Variants in LY86 observed in about 807,000 individuals in gnomAD.
LY86 encodes the protein MD-1, RP105-associated.
A neutral mutation model predicts 17.3 loss-of-function variants in LY86; 20 were observed. The ratio of observed to expected loss-of-function variants is 1.15; its 90% CI spans 0.81 to 1.68. The LOEUF (loss-of-function observed/expected upper bound fraction) is 1.68, where lower values mean the gene tolerates loss of function less well. Among genes scored for constraint, LY86 ranks in the 40% most tolerant of loss-of-function variants. The probability of loss-of-function intolerance (pLI) is 0.00; values close to 1 mark genes in which losing one functional copy is unlikely to be tolerated. For synonymous variants in LY86, 74 were observed against 70.6 expected (o/e 1.05, Z -0.24); for missense variants, 200 against 191.9 (o/e 1.04, Z -0.25).
intron 3 of LY86, among the ~76,000 whole-genome samples, chr6:6,647,243 C>T (rs901544602): frequency 6.6e-6 from 1 of 152,156 alleles, no homozygotes; most frequent in Non-Finnish European, 1.5e-5. Flanking sequence ...TTCCTTTCCA[C>T]CTTCTTAAAC....
chr6:6,649,661 A>C lies in LY86; in HGVS notation c.389A>C (p.Glu130Ala). 6.4e-7 allele frequency: 1 copy of C among 1,573,410 alleles called. No individual in the cohort carries two copies. Among genetic ancestry groups the C allele is most frequent in the Non-Finnish European group, 8.7e-7 (1 of 1,147,436 alleles). The change falls in exon 4 of 5, where the codon GAA becomes GCA. Residue 130 changes from glutamate (E) to alanine (A), a missense_variant. Coordinates refer to ENST00000230568, the MANE Select transcript of LY86 (RefSeq NM_004271.4). ...TATGCTGGGCCTGTCAATAATCCTG[A>C]ATTTACTATTCCTCAGGTAAGATAT... ...IYYAGPVNNP[E>A]FTIPQGEYQV...
At chr6:6,614,308 A>G (rs1761492243) in intron 1 of LY86, among the ~76,000 whole-genome samples, 1 of 152,220 alleles carries the variant, frequency 6.6e-6, no homozygotes. Context: ...TTCGGCTACA[A>G]AAGATGTTGC....
intron 1 of LY86, among the ~76,000 whole-genome samples, chr6:6,624,374 AATGGGATGGGATGGGATGGG>A (rs141299295): frequency 2.0e-5 from 2 of 101,716 alleles, no homozygotes; most frequent in African/African-American, 4.4e-5. Flanking sequence ...CATTACATTA[AATGGGATGGGATGGGATGGG>A]ATGGGATGGG....
At chr6:6,605,514 G>T (rs189122090) in intron 1 of LY86, among the ~76,000 whole-genome samples, 2 of 152,368 alleles carry the variant, frequency 1.3e-5, no homozygotes, top group East Asian at 3.9e-4. Context: ...TTGCCATGGG[G>T]GGTCTCCCCA....
chr6:6,651,308 A>C (rs535686927), intron 4 of LY86, among the ~76,000 whole-genome samples: 2 of 152,284 alleles, frequency 1.3e-5, no homozygotes, highest in South Asian at 4.1e-4. Context: ...TCTCTAACTT[A>C]GTTTCACCTC....
chr6:6,600,233 C>G (rs1207489641), intron 1 of LY86, among the ~76,000 whole-genome samples: 11 of 152,098 alleles, frequency 7.2e-5, no homozygotes, highest in Admixed American at 7.2e-4. Flanking sequence ...TGATAGGAGC[C>G]TCATTAAGGA....
intron 1 of LY86, among the ~76,000 whole-genome samples, chr6:6,619,802 A>G (rs1020369085): frequency 6.6e-6 from 1 of 152,134 alleles, no homozygotes; most frequent in African/African-American, 2.4e-5. Flanking sequence ...AGATCTAAGT[A>G]CTGGTATGAG....
intron 3 of LY86, among the ~76,000 whole-genome samples, chr6:6,636,365 C>T (rs11964772): frequency 0.051 from 7,742 of 152,216 alleles, 377 homozygotes; most frequent in African/African-American, 0.13. Flanking sequence ...TGGGATAATA[C>T]ACATATAGCC....
chr6:6,626,783 T>A (rs930410064), intron 3 of LY86, among the ~76,000 whole-genome samples: 9 of 152,020 alleles, frequency 5.9e-5, no homozygotes, highest in African/African-American at 1.7e-4. Flanking sequence ...CACAACTTCC[T>A]TAGTGGCAGG....
chr6:6,601,594 C>CACACA, intron 1 of LY86, among the ~76,000 whole-genome samples: 1 of 152,226 alleles, frequency 6.6e-6, no homozygotes, highest in Admixed American at 6.5e-5. Context: ...GTGGTGGGCA[C>CACACA]CTGTAGTCCC....
In LY86 at chr6:6,654,619, T is replaced by G; in HGVS notation, c.481T>G (p.Cys161Gly). 6.2e-7 allele frequency: 1 copy of G among 1,614,140 alleles called. No individual in the cohort carries two copies. The highest frequency in any genetic ancestry group is 1.1e-5 in the South Asian group (1 of 91,066). The change falls in exon 5 of 5, where the codon TGC becomes GGC. Residue 161 changes from cysteine (C) to glycine (G), a missense_variant. Physicochemically the swap from Cys to Gly is radical, Grantham distance 159. Coordinates refer to ENST00000230568, the MANE Select transcript of LY86 (RefSeq NM_004271.4). ...GGCCTGTGCCAATGCTACTATCATG[T>G]GCTCCTGACTGTGGCCTGTAGCAAA... is the stretch of plus-strand genomic sequence containing the variant. ...TVACANATIM[C>G]S
At chr6:6,605,998 G>A (rs185415591) in intron 1 of LY86, among the ~76,000 whole-genome samples, 180 of 152,266 alleles carry the variant, frequency 1.2e-3, no homozygotes, top group Non-Finnish European at 1.7e-3. Flanking sequence ...AATTTACTGC[G>A]AAAAGCAAAA....
At chr6:6,637,856 G>A (rs1019389029) in intron 3 of LY86, among the ~76,000 whole-genome samples, 7 of 152,196 alleles carry the variant, frequency 4.6e-5, no homozygotes, top group African/African-American at 1.7e-4. Context: ...CCATTTCTAG[G>A]AATCTAATCA....
chr6:6,605,330 C>T (rs114203003), intron 1 of LY86, among the ~76,000 whole-genome samples: 1 of 152,158 alleles, frequency 6.6e-6, no homozygotes, highest in African/African-American at 2.4e-5. Flanking sequence ...TTGGGGGTCT[C>T]TGGGAAAAGG....
intron 4 of LY86, among the ~76,000 whole-genome samples, chr6:6,652,840 T>C (rs1762207877): frequency 6.6e-6 from 1 of 152,220 alleles, no homozygotes; most frequent in Non-Finnish European, 1.5e-5. Context: ...CTAGAACCCC[T>C]TCCTTCAAAT....
intron 3 of LY86, among the ~76,000 whole-genome samples, chr6:6,640,492 G>A (rs1017381998): frequency 2.0e-5 from 3 of 152,082 alleles, no homozygotes; most frequent in Non-Finnish European, 2.9e-5. Context: ...GCTGCGGCAG[G>A]GAGGATTTCT....
At chr6:6,619,446 T>C (rs987743841) in intron 1 of LY86, among the ~76,000 whole-genome samples, 2 of 152,234 alleles carry the variant, frequency 1.3e-5, no homozygotes, top group Non-Finnish European at 2.9e-5. Flanking sequence ...AGTACTGTTT[T>C]ATTGAGCAGT....
intron 1 of LY86, among the ~76,000 whole-genome samples, chr6:6,620,548 G>A (rs1039078554): frequency 2.0e-5 from 3 of 152,190 alleles, no homozygotes; most frequent in Non-Finnish European, 4.4e-5. Context: ...CCAGTGGAGT[G>A]TACCCGGGCC....
intron 1 of LY86, among the ~76,000 whole-genome samples, chr6:6,612,127 C>T (rs1761365693): frequency 6.6e-6 from 1 of 152,144 alleles, no homozygotes; most frequent in South Asian, 2.1e-4. Flanking sequence ...AAAATCAGCT[C>T]AACAACTCCT....
Sources: gnomAD v4.1 joint callset for allele counts (sites outside exome capture counted in the v4.1 genomes callset) on GRCh38, gnomAD v4.1.1 for gene constraint, MANE v1.5 for transcripts, NCBI Gene and HGNC (gene_info 2026-07-23, HGNC 2026-07-21) for gene names.